CERKL: variants seen among roughly 807,000 people sequenced by gnomAD.
CERKL encodes the protein ceramide kinase-like protein.
CERKL carries 61 observed loss-of-function variants against 63.4 expected under a neutral mutation model. The observed-to-expected ratio is 0.96, with a 90% CI of 0.78 to 1.19. The LOEUF is 1.19. Ranked by LOEUF, CERKL falls within the 50% of genes most tolerant of loss-of-function variation. CERKL has a pLI of 0.00. For synonymous variants in CERKL, 250 were observed against 230.5 expected, an observed-to-expected ratio of 1.08 and a Z score of -0.77; for missense variants, 675 against 655.5, an observed-to-expected ratio of 1.03 and a Z score of -0.33.
At chr2:181,646,042 A>G (rs1687658673) in intron 1 of CERKL, among the ~76,000 whole-genome samples, 1 of 152,222 alleles carries the variant, frequency 6.6e-6, no homozygotes, top group Non-Finnish European at 1.5e-5. Context: ...TAAGAAGCTA[A>G]CATTTGTGCA....
chr2:181,586,611 C>T (rs577604329), intron 2 of CERKL, among the ~76,000 whole-genome samples: 18 of 152,172 alleles, frequency 1.2e-4, no homozygotes, highest in Non-Finnish European at 2.1e-4. Flanking sequence ...AATTCATACT[C>T]TAGAGTACAG....
chr2:181,568,286 C>T (rs772830225), intron 3 of CERKL, among the ~76,000 whole-genome samples: 2 of 152,148 alleles, frequency 1.3e-5, no homozygotes, highest in Non-Finnish European at 2.9e-5. Flanking sequence ...CCTGTAGGTA[C>T]TTTAAAGTTA....
chr2:181,639,111 A>G (rs1687310828), intron 1 of CERKL, among the ~76,000 whole-genome samples: 2 of 152,232 alleles, frequency 1.3e-5, no homozygotes, highest in South Asian at 4.1e-4. Context: ...AAATCTGGAC[A>G]CTAACTGGAT....
At chr2:181,627,666 G>T (rs916459556) in intron 1 of CERKL, among the ~76,000 whole-genome samples, 1 of 152,108 alleles carries the variant, frequency 6.6e-6, no homozygotes, top group African/African-American at 2.4e-5. Flanking sequence ...CAATCATCTG[G>T]TTTCATCATC....
chr2:181,622,344 G>A lies in CERKL; in HGVS notation c.239-18265C>T, dbSNP rs545245142. Among the ~76,000 whole-genome samples the A allele has an allele frequency of 2.2e-3, 334 of 152,284 alleles. 1 individual carries two copies. Among genetic ancestry groups the A allele is most frequent in the Non-Finnish European group, 2.6e-3 (177 of 68,030 alleles). ...CATGTCCACCTGTGCCTCTGTGGCAGAAGAGGCATCCATTTTTATTTCATT... is the reference window on the plus strand; with the variant it reads ...CATGTCCACCTGTGCCTCTGTGGCAAAAGAGGCATCCATTTTTATTTCATT... On this transcript the variant is annotated intron_variant, in intron 1 of 12. Transcript: ENST00000410087.
intron 2 of CERKL, among the ~76,000 whole-genome samples, chr2:181,574,784 A>C (rs188230124): frequency 1.3e-5 from 2 of 152,348 alleles, no homozygotes; most frequent in East Asian, 3.9e-4. Flanking sequence ...TAAAAAGACA[A>C]GTGAAAATTG....
At chr2:181,626,362 C>T (rs141249203) in intron 1 of CERKL, among the ~76,000 whole-genome samples, 1 of 151,580 alleles carries the variant, frequency 6.6e-6, no homozygotes. Flanking sequence ...AGTGGAGTAA[C>T]AAGAACAAAA....
At chr2:181,538,799 C>T (rs945644004) in intron 12 of CERKL, among the ~76,000 whole-genome samples, 88 of 152,130 alleles carry the variant, frequency 5.8e-4, no homozygotes, top group African/African-American at 2.0e-3. Context: ...TTTAAAAATC[C>T]AAAATGGAAG....
intron 3 of CERKL, among the ~76,000 whole-genome samples, chr2:181,568,311 G>A (rs974953164): frequency 2.6e-5 from 4 of 152,108 alleles, no homozygotes; most frequent in Non-Finnish European, 5.9e-5. Flanking sequence ...GCTCAAAACA[G>A]AATCCATTAT....
chr2:181,641,362 T>G (rs1482783582), intron 1 of CERKL, among the ~76,000 whole-genome samples: 1 of 125,876 alleles, frequency 7.9e-6, no homozygotes, highest in Non-Finnish European at 1.7e-5. Flanking sequence ...TATACACATA[T>G]TTTTTTCCCT....
At position 181,536,979 on chromosome 2, in the gene CERKL, A is replaced by AAGTT. The variant is rs770588185; in HGVS notation, c.*1201_*1204dup. On this transcript the variant is annotated 3_prime_UTR_variant, in exon 13 of 13. Transcript: ENST00000410087. ...ACTAGCCAGCCATCCTAATTGATGA[A>AAGTT]AGTTATCTGTTCACAGGCCTGCAGT... The AAGTT allele has an allele frequency of 1.1e-5, 5 of 452,224 alleles. No individual in the cohort carries two copies. Among genetic ancestry groups the AAGTT allele is most frequent in the South Asian group, 3.1e-5 (2 of 63,990 alleles). 28.0% of individuals were successfully genotyped at this position (452,224 alleles called of 1,614,324 possible). A position where few individuals can be genotyped will look rare whatever the true frequency, so the allele number is the denominator to read the frequency against.
intron 2 of CERKL, among the ~76,000 whole-genome samples, chr2:181,592,423 C>T (rs1403256389): frequency 6.6e-6 from 1 of 152,080 alleles, no homozygotes; most frequent in Non-Finnish European, 1.5e-5. Flanking sequence ...CCCTCAAACA[C>T]AGAGAACACA....
chr2:181,554,395 G>A (rs116483909), intron 5 of CERKL, among the ~76,000 whole-genome samples: 12 of 152,030 alleles, frequency 7.9e-5, no homozygotes, highest in African/African-American at 2.4e-4. Flanking sequence ...ACAGTCCCTC[G>A]GCAATATTTT....
rs187829374 is a variant in CERKL, at chr2:181,549,621, G to A, written c.895+13C>T. Reference sequence around the variant, plus strand: ...TCCTTATAAAATATGAACTGCTTTGGAAGAATTCTTACCCATTATAATGTG... The same window carrying A: ...TCCTTATAAAATATGAACTGCTTTGAAAGAATTCTTACCCATTATAATGTG... On this transcript the variant is annotated intron_variant, in intron 6 of 12. Coordinates refer to ENST00000410087, the MANE Select transcript of CERKL (RefSeq NM_201548.5). 8.9e-5 allele frequency: 140 copies of A among 1,579,026 alleles called. No homozygotes were observed. The East Asian group carries it at 2.0e-3, about 23-fold the overall frequency.
At chr2:181,559,336 TG>T (rs1429598717) in intron 4 of CERKL, among the ~76,000 whole-genome samples, 3 of 152,160 alleles carry the variant, frequency 2.0e-5, no homozygotes, top group Non-Finnish European at 4.4e-5. Flanking sequence ...AAGTAGACTA[TG>T]GGGGCAGAAT....
At chr2:181,543,603 G>T (rs1574431383) in intron 11 of CERKL, among the ~76,000 whole-genome samples, 1 of 152,108 alleles carries the variant, frequency 6.6e-6, no homozygotes, top group Non-Finnish European at 1.5e-5. Flanking sequence ...CATAAGCAAG[G>T]TTCAGCTGCC....
chr2:181,643,584 TTTGTGAAAC>T (rs1314369584), intron 1 of CERKL, among the ~76,000 whole-genome samples: 1 of 152,252 alleles, frequency 6.6e-6, no homozygotes, highest in Non-Finnish European at 1.5e-5. Context: ...TAAGAATTGT[TTTGTGAAAC>T]TTTTGTTTTA....
chr2:181,537,786 T>TA lies in CERKL; in HGVS notation c.*397dup. 2.2e-6 allele frequency: 1 copy of TA among 458,284 alleles called. No homozygotes were observed. Among genetic ancestry groups the TA allele is most frequent in the Non-Finnish European group, 4.3e-6 (1 of 231,134 alleles). The allele number at this position is 458,284 out of a possible 1,614,324, so 28.4% of individuals were successfully genotyped here. A position where few individuals can be genotyped will look rare whatever the true frequency, so the allele number is the denominator to read the frequency against. ...TATCTAAAAACAGAATTTGAATTGA[T>TA]ATTTCATCTTGACTTTTAAAGCCCT... On this transcript the variant is annotated 3_prime_UTR_variant, in exon 13 of 13. Coordinates refer to ENST00000410087, the MANE Select transcript of CERKL (RefSeq NM_201548.5).
At chr2:181,628,011 T>C (rs1163485108) in intron 1 of CERKL, among the ~76,000 whole-genome samples, 1 of 152,186 alleles carries the variant, frequency 6.6e-6, no homozygotes, top group Non-Finnish European at 1.5e-5. Flanking sequence ...TAAAATAAGA[T>C]ACACGACAGG....
Sources: gnomAD v4.1 joint callset for allele counts (sites outside exome capture counted in the v4.1 genomes callset) on GRCh38, gnomAD v4.1.1 for gene constraint, MANE v1.5 for transcripts, NCBI Gene and HGNC (gene_info 2026-07-23, HGNC 2026-07-21) for gene names.